The following QKI variants were observed in gnomAD, a reference collection of about 807,000 sequenced individuals.
The protein encoded by QKI is KH domain-containing RNA-binding protein QKI.
A neutral mutation model predicts 39.0 loss-of-function variants in QKI; 10 were observed. That is an observed-to-expected ratio of 0.26 (90% CI 0.16 to 0.43). The LOEUF (loss-of-function observed/expected upper bound fraction) is 0.43, where lower values mean the gene tolerates loss of function less well. QKI is among the 20% of genes least tolerant of loss of function. The probability of loss-of-function intolerance (pLI) is 1.00; values close to 1 mark genes in which losing one functional copy is unlikely to be tolerated. For missense variants in QKI, 218 were observed against 428.0 expected (o/e 0.51, Z 4.33); for synonymous variants, 204 against 155.4 (o/e 1.31, Z -2.33).
chr6:163,420,149 CTTTTCT>C lies in QKI; in HGVS notation c.142+4819_142+4824del, dbSNP rs1441446701. ...TTAGACATGTAAGGGCTTTTCTTTTCTTTTCTTTTTTTTTTTTTTTTTTGGTGGTTT... is the reference window on the plus strand; with the variant it reads ...TTAGACATGTAAGGGCTTTTCTTTTCTTTTTTTTTTTTTTTTTGGTGGTTT... On this transcript the variant is annotated intron_variant, in intron 1 of 7. Transcript: ENST00000361752. Among the ~76,000 whole-genome samples, 495 of 62,326 alleles carry C rather than the reference CTTTTCT, an allele frequency of 7.9e-3. 3 individuals are homozygous for C. Among genetic ancestry groups the C allele is most frequent in the African/African-American group, 0.028 (476 of 17,130 alleles). 40.9% of individuals were successfully genotyped at this position (62,326 alleles called of 152,430 possible).
chr6:163,473,577 T>G (rs1231807115), intron 2 of QKI, among the ~76,000 whole-genome samples: 1 of 152,192 alleles, frequency 6.6e-6, no homozygotes, highest in Non-Finnish European at 1.5e-5. Flanking sequence ...CAGATCTTAT[T>G]GGTATTAAAA....
chr6:163,415,378 G>C, intron 1 of QKI, 43 bp downstream of exon 1: 2 of 1,553,946 alleles, frequency 1.3e-6, no homozygotes, highest in South Asian at 1.1e-5. Flanking sequence ...ACCCCCGCCG[G>C]GGCGGCCCCT....
At chr6:163,453,259 TC>T (rs1420517515) in intron 1 of QKI, among the ~76,000 whole-genome samples, 8 of 152,110 alleles carry the variant, frequency 5.3e-5, no homozygotes, top group African/African-American at 1.4e-4. Context: ...AGTGCATTTT[TC>T]TTTTTCTATT....
chr6:163,437,118 C>G (rs1426006586), intron 1 of QKI, among the ~76,000 whole-genome samples: 1 of 152,042 alleles, frequency 6.6e-6, no homozygotes. Flanking sequence ...AGAGGTAAAG[C>G]CTTTGTGAGA....
chr6:163,467,550 A>C (rs1791859446), intron 2 of QKI, among the ~76,000 whole-genome samples: 1 of 152,240 alleles, frequency 6.6e-6, no homozygotes, highest in Admixed American at 6.5e-5. Flanking sequence ...TTTCTTACAC[A>C]GCACTTGTAC....
At position 163,571,066 on chromosome 6, in the gene QKI, C is replaced by T. The variant is rs1783677787; in HGVS notation, c.*356C>T. 1 of 182,084 alleles carries T rather than the reference C, an allele frequency of 5.5e-6. No individual in the cohort carries two copies. Among genetic ancestry groups the T allele is most frequent in the Non-Finnish European group, 1.1e-5 (1 of 88,100 alleles). 11.3% of individuals were successfully genotyped at this position (182,084 alleles called of 1,614,324 possible). ...AGAAGGGGAGACAGATGGTCCTTAA[C>T]TACTCAATGACAGAGGCAGTTACTG... On this transcript the variant is annotated 3_prime_UTR_variant, in exon 8 of 8. Transcript: ENST00000361752.
chr6:163,535,041 A>T lies in QKI; in HGVS notation c.462A>T (p.Leu154=). 6.2e-7 allele frequency: 1 copy of T among 1,612,354 alleles called. No homozygotes were observed. Among genetic ancestry groups the T allele is most frequent in the Non-Finnish European group, 8.5e-7 (1 of 1,179,162 alleles). Residue 154 remains leucine (L), a synonymous_variant, in exon 4 of 8, where the codon CTA becomes CTT. Transcript: ENST00000361752. ...ATCTAAATGAAGATTTACATGTACT[A>T]ATCACTGTGGAAGATGCTCAGAACA... ...WEHLNEDLHV[L]ITVEDAQNRA...
At chr6:163,438,774 T>A (rs1278996183) in intron 1 of QKI, among the ~76,000 whole-genome samples, 4 of 152,116 alleles carry the variant, frequency 2.6e-5, no homozygotes, top group African/African-American at 9.7e-5. Context: ...AGTCCTAGGA[T>A]ACTACTGTGG....
chr6:163,524,060 G>A (rs878096), intron 3 of QKI, among the ~76,000 whole-genome samples: 6,153 of 152,064 alleles, frequency 0.04, 132 homozygotes, highest in African/African-American at 0.064. Context: ...TTTACTATTC[G>A]TTGTCCATTT....
chr6:163,485,577 C>T (rs1191626454), intron 3 of QKI, among the ~76,000 whole-genome samples: 2 of 151,864 alleles, frequency 1.3e-5, no homozygotes, highest in African/African-American at 4.9e-5. Context: ...TGAGGTCTCC[C>T]TTCTCATAAA....
chr6:163,473,254 T>G (rs963631699), intron 2 of QKI, among the ~76,000 whole-genome samples: 2 of 152,132 alleles, frequency 1.3e-5, no homozygotes, highest in African/African-American at 4.8e-5. Context: ...AGTCCAAGCT[T>G]GTTTACATGG....
At chr6:163,520,942 A>G (rs1275141511) in intron 3 of QKI, among the ~76,000 whole-genome samples, 1 of 152,164 alleles carries the variant, frequency 6.6e-6, no homozygotes, top group East Asian at 1.9e-4. Flanking sequence ...TGGGTTTTGG[A>G]TGACAGAGGT....
chr6:163,433,835 A>T (rs1239419110), intron 1 of QKI, among the ~76,000 whole-genome samples: 1 of 152,226 alleles, frequency 6.6e-6, no homozygotes, highest in Non-Finnish European at 1.5e-5. Context: ...TATAAGGTTA[A>T]ATATTTTGTT....
intron 3 of QKI, among the ~76,000 whole-genome samples, chr6:163,533,725 G>C (rs1013935960): frequency 6.6e-6 from 1 of 152,112 alleles, no homozygotes; most frequent in African/African-American, 2.4e-5. Context: ...ATGCTGTGCT[G>C]ACTCAGAGTT....
chr6:163,463,923 T>A (rs570061131), intron 2 of QKI, among the ~76,000 whole-genome samples: 107 of 152,264 alleles, frequency 7.0e-4, no homozygotes, highest in African/African-American at 2.4e-3. Context: ...TACTTTTAAT[T>A]TTTCTTCCCT....
chr6:163,464,478 AAAAAAAAGTC>A (rs1583034210), intron 2 of QKI, among the ~76,000 whole-genome samples: 1 of 152,038 alleles, frequency 6.6e-6, no homozygotes, highest in East Asian at 1.9e-4. Context: ...TAACCAAGAG[AAAAAAAAGTC>A]AAAATACATG....
At chr6:163,508,536 T>C (rs867655275) in intron 3 of QKI, among the ~76,000 whole-genome samples, 17 of 110,348 alleles carry the variant, frequency 1.5e-4, no homozygotes, top group South Asian at 6.3e-4. Flanking sequence ...TTCTTTCTTT[T>C]TTTTTTTTTT....
intron 1 of QKI, among the ~76,000 whole-genome samples, chr6:163,448,123 G>A (rs1023264261): frequency 6.6e-6 from 1 of 152,098 alleles, no homozygotes; most frequent in Admixed American, 6.5e-5. Context: ...CAGGAAAATC[G>A]AATTAACATT....
chr6:163,517,156 G>A (rs1779882424), intron 3 of QKI, among the ~76,000 whole-genome samples: 1 of 151,468 alleles, frequency 6.6e-6, no homozygotes, highest in East Asian at 1.9e-4. Flanking sequence ...GCTTGTATAA[G>A]TTCATGCTGA....
Sources: allele counts gnomAD v4.1 joint callset (sites outside exome capture counted in the v4.1 genomes callset), GRCh38; gene constraint gnomAD v4.1.1; transcripts MANE v1.5; gene names NCBI Gene and HGNC (gene_info 2026-07-23, HGNC 2026-07-21).